The following RBFOX1 variants were observed in gnomAD, a reference collection of about 807,000 sequenced individuals.
The protein encoded by RBFOX1 is RNA binding fox-1 homolog 1.
RBFOX1 carries 8 observed loss-of-function variants against 57.7 expected under a neutral mutation model. The observed-to-expected ratio is 0.14, with a 90% CI of 0.08 to 0.25. The LOEUF (loss-of-function observed/expected upper bound fraction) is 0.25, where lower values mean the gene tolerates loss of function less well. Ranked by LOEUF, RBFOX1 falls within the 10% of genes least tolerant of loss-of-function variation. The pLI, the probability that RBFOX1 is intolerant of heterozygous loss-of-function variation, is 1.00. For missense variants in RBFOX1, 611 were observed against 548.5 expected (o/e 1.11, Z -1.14); for synonymous variants, 326 against 222.4 (o/e 1.47, Z -4.15).
At chr16:7,050,295 C>T (rs1342513935) in intron 3 of RBFOX1, among the ~76,000 whole-genome samples, 14 of 127,364 alleles carry the variant, frequency 1.1e-4, no homozygotes, top group East Asian at 2.4e-4. Flanking sequence ...GATGGAGTTT[C>T]ACTCTTGTTG....
intron 1 of RBFOX1, among the ~76,000 whole-genome samples, chr16:6,040,067 C>G (rs2095419574): frequency 6.6e-6 from 1 of 152,198 alleles, no homozygotes; most frequent in Non-Finnish European, 1.5e-5. Context: ...CTATTAACAT[C>G]TGATCTCAGT....
intron 1 of RBFOX1, among the ~76,000 whole-genome samples, chr16:5,364,928 G>A (rs151149286): frequency 2.6e-5 from 4 of 152,242 alleles, no homozygotes; most frequent in African/African-American, 9.6e-5. Flanking sequence ...CAGTAGGGTC[G>A]CCTAAGAAGC....
intron 2 of RBFOX1, among the ~76,000 whole-genome samples, chr16:6,375,926 C>G (rs945373898): frequency 6.6e-6 from 1 of 152,170 alleles, no homozygotes; most frequent in Non-Finnish European, 1.5e-5. Flanking sequence ...TTTGAGGGAT[C>G]AGCAGGGGTG....
At chr16:6,727,791 T>C (rs1342603657) in intron 3 of RBFOX1, among the ~76,000 whole-genome samples, 1 of 152,148 alleles carries the variant, frequency 6.6e-6, no homozygotes, top group Non-Finnish European at 1.5e-5. Context: ...TTGTCAGGCA[T>C]TTGAGGTCTT....
intron 1 of RBFOX1, among the ~76,000 whole-genome samples, chr16:5,438,812 G>T (rs900070725): frequency 2.0e-5 from 3 of 152,102 alleles, no homozygotes; most frequent in African/African-American, 7.2e-5. Context: ...CACGTGCTCA[G>T]CCATCTTGCA....
intron 4 of RBFOX1, among the ~76,000 whole-genome samples, chr16:7,112,959 C>A (rs1416346327): frequency 1.3e-5 from 2 of 152,006 alleles, no homozygotes; most frequent in African/African-American, 2.4e-5. Flanking sequence ...GTGCTGGCAC[C>A]CTCTGTAAGG....
At chr16:6,336,719 G>T (rs2083817203) in intron 2 of RBFOX1, among the ~76,000 whole-genome samples, 1 of 152,150 alleles carries the variant, frequency 6.6e-6, no homozygotes, top group Non-Finnish European at 1.5e-5. Flanking sequence ...TGAGATGATA[G>T]ATGTGGAGAC....
intron 3 of RBFOX1, among the ~76,000 whole-genome samples, chr16:5,632,211 T>C (rs2048532833): frequency 6.6e-6 from 1 of 152,226 alleles, no homozygotes; most frequent in African/African-American, 2.4e-5. Flanking sequence ...ATTATTATTC[T>C]GTATTAGAGA....
chr16:6,185,069 C>G (rs923428916), intron 1 of RBFOX1, among the ~76,000 whole-genome samples: 1 of 152,154 alleles, frequency 6.6e-6, no homozygotes, highest in Non-Finnish European at 1.5e-5. Flanking sequence ...GTCTGTAGAA[C>G]AAGGAAGAGG....
At chr16:7,425,842 A>C (rs181207409) in intron 4 of RBFOX1, among the ~76,000 whole-genome samples, 7 of 152,228 alleles carry the variant, frequency 4.6e-5, no homozygotes, top group Admixed American at 3.3e-4. Flanking sequence ...CTGCCTTGTT[A>C]ATTTGTTTCT....
intron 2 of RBFOX1, among the ~76,000 whole-genome samples, chr16:6,592,098 A>G (rs947038035): frequency 4.6e-5 from 7 of 152,190 alleles, no homozygotes; most frequent in African/African-American, 1.7e-4. Context: ...ACACGTTCCA[A>G]TGTCAGGGTA....
chr16:5,815,016 C>T (rs528938070), intron 3 of RBFOX1, among the ~76,000 whole-genome samples: 1 of 151,546 alleles, frequency 6.6e-6, no homozygotes, highest in African/African-American at 2.4e-5. Flanking sequence ...TGAGGTCTCA[C>T]TCTGTTACCC....
At chr16:6,896,430 T>C (rs376443537) in intron 3 of RBFOX1, among the ~76,000 whole-genome samples, 1 of 152,206 alleles carries the variant, frequency 6.6e-6, no homozygotes, top group Non-Finnish European at 1.5e-5. Flanking sequence ...TTCCCCTCTT[T>C]CAGCCCTGGT....
intron 3 of RBFOX1, among the ~76,000 whole-genome samples, chr16:5,680,933 T>G (rs2050312678): frequency 1.3e-5 from 2 of 151,778 alleles, no homozygotes; most frequent in Non-Finnish European, 2.9e-5. Context: ...GGGGCAGGGG[T>G]GCAGCAGCTA....
chr16:6,363,908 C>G (rs1007001374), intron 2 of RBFOX1, among the ~76,000 whole-genome samples: 2 of 152,076 alleles, frequency 1.3e-5, no homozygotes, highest in East Asian at 1.9e-4. Context: ...GGTGAAGTAT[C>G]TGAATATAAC....
In RBFOX1 at chr16:7,169,005, G is replaced by A. The variant is rs115190932; in HGVS notation, c.27+116907G>A. On this transcript the variant is annotated intron_variant, in intron 4 of 15. Transcript: ENST00000550418. ...CTCTAATTAAGAGCAATAAACTATA[G>A]CACAGAAATATAACTAGATTTATAG... Among the ~76,000 whole-genome samples the A allele has an allele frequency of 4.9e-3, 740 of 152,258 alleles. 3 individuals carry two copies. Among genetic ancestry groups the A allele is most frequent in the African/African-American group, 0.017 (705 of 41,534 alleles).
intron 1 of RBFOX1, among the ~76,000 whole-genome samples, chr16:6,284,465 G>A (rs566207854): frequency 6.6e-6 from 1 of 152,276 alleles, no homozygotes; most frequent in East Asian, 1.9e-4. Flanking sequence ...GTTGAGGACA[G>A]CAGCCTGCAG....
At chr16:6,329,684 C>A (rs1405035606) in intron 2 of RBFOX1, among the ~76,000 whole-genome samples, 1 of 152,194 alleles carries the variant, frequency 6.6e-6, no homozygotes, top group African/African-American at 2.4e-5. Context: ...GTAATCCCAG[C>A]ACTTTGGGAG....
intron 14 of RBFOX1, among the ~76,000 whole-genome samples, chr16:7,691,372 A>G (rs2077280965): frequency 6.6e-6 from 1 of 151,790 alleles, no homozygotes; most frequent in Non-Finnish European, 1.5e-5. Context: ...AGGTTTTCAA[A>G]AAAAAAAAGT....
Sources: allele counts gnomAD v4.1 joint callset (sites outside exome capture counted in the v4.1 genomes callset), GRCh38; gene constraint gnomAD v4.1.1; transcripts MANE v1.5; gene names NCBI Gene and HGNC (gene_info 2026-07-23, HGNC 2026-07-21).